Variants in ANGPTL7 observed in about 807,000 individuals in gnomAD.
ANGPTL7 encodes the protein angiopoietin-related protein 7.
ANGPTL7 carries 37 observed loss-of-function variants against 38.8 expected under a neutral mutation model. The ratio of observed to expected loss-of-function variants is 0.95; its 90% CI spans 0.73 to 1.25. The LOEUF is 1.25. Among genes scored for constraint, ANGPTL7 ranks in the 50% most tolerant of loss-of-function variants. ANGPTL7 has a pLI of 0.00. For missense variants in ANGPTL7, 427 were observed against 438.6 expected, an observed-to-expected ratio of 0.97 and a Z score of 0.24; for synonymous variants, 166 against 163.2, an observed-to-expected ratio of 1.02 and a Z score of -0.13.
At chr1:11,191,005 T>G (rs1645509140) in intron 1 of ANGPTL7, among the ~76,000 whole-genome samples, 1 of 152,236 alleles carries the variant, frequency 6.6e-6, no homozygotes, top group Non-Finnish European at 1.5e-5. Flanking sequence ...CAGTTTGGGA[T>G]TAGAAAGGTA....
rs1645447829 is a variant in ANGPTL7 at position 11,189,657 on chromosome 1, G to T, written c.78G>T (p.Leu26=). 6.2e-7 allele frequency: 1 copy of T among 1,614,164 alleles called. No individual in the cohort carries two copies. Among genetic ancestry groups the T allele is most frequent in the Non-Finnish European group, 8.5e-7 (1 of 1,180,038 alleles). ...IVAFVSHPAW[L]QKLSKHKTPA... is the part of the protein sequence containing the mutation. Reference sequence around the variant, plus strand: ...CCTTTGTCAGCCACCCAGCGTGGCTGCAGAAGCTCTCTAAGCACAAGACAC... The same window carrying T: ...CCTTTGTCAGCCACCCAGCGTGGCTTCAGAAGCTCTCTAAGCACAAGACAC... The change falls in exon 1 of 5, where the codon CTG becomes CTT. Residue 26 remains leucine (L), a synonymous_variant. Coordinates refer to ENST00000376819, the MANE Select transcript of ANGPTL7 (RefSeq NM_021146.4).
In ANGPTL7 at chr1:11,189,627, C is replaced by T. The variant is rs150198909; in HGVS notation, c.48C>T (p.Ile16=). 26 of 1,613,782 alleles carry T rather than the reference C, an allele frequency of 1.6e-5. No homozygotes were observed. The highest frequency in any genetic ancestry group is 1.8e-5 in the Non-Finnish European group (21 of 1,179,942). The change falls in exon 1 of 5, where the codon ATC becomes ATT. Residue 16 remains isoleucine (I), a synonymous_variant. Coordinates refer to ENST00000376819, the MANE Select transcript of ANGPTL7 (RefSeq NM_021146.4). ...CTGTGACCTGGCTCTGCATTTTCAT[C>T]GTGGCCTTTGTCAGCCACCCAGCGT... ...LSAVTWLCIF[I]VAFVSHPAWL...
intron 1 of ANGPTL7, among the ~76,000 whole-genome samples, chr1:11,191,524 C>T (rs1645530161): frequency 6.6e-6 from 1 of 152,050 alleles, no homozygotes; most frequent in Non-Finnish European, 1.5e-5. Flanking sequence ...ATAGTAAGGG[C>T]CGCAGTCTCT....
At chr1:11,190,299 T>C (rs904959020) in intron 1 of ANGPTL7, among the ~76,000 whole-genome samples, 6 of 152,306 alleles carry the variant, frequency 3.9e-5, no homozygotes, top group African/African-American at 9.6e-5. Flanking sequence ...ACAGGCTATA[T>C]CTCAAGAAAT....
rs1315287830 is a variant in ANGPTL7, at chr1:11,195,069, A to G, written c.*46A>G. On this transcript the variant is annotated 3_prime_UTR_variant, in exon 5 of 5. Transcript: ENST00000376819. ...CGGATACAGAAACTGAGACACGTGGAGACTGGATGAGGGCAGATGAGGACA... is the reference window on the plus strand; with the variant it reads ...CGGATACAGAAACTGAGACACGTGGGGACTGGATGAGGGCAGATGAGGACA... 1 of 1,590,840 alleles carries G rather than the reference A, an allele frequency of 6.3e-7. No individual in the cohort carries two copies. The highest frequency in any genetic ancestry group is 8.6e-7 in the Non-Finnish European group (1 of 1,164,268).
intron 1 of ANGPTL7, 52 bp downstream of exon 1, chr1:11,190,007 A>C (rs774190861): frequency 6.4e-7 from 1 of 1,552,190 alleles, no homozygotes; most frequent in Admixed American, 1.8e-5. Context: ...CATCTACAGC[A>C]CTGCTTCTAC....
At chr1:11,190,058 G>A (rs1337060900) in intron 1 of ANGPTL7, 103 bp downstream of exon 1, 19 of 1,380,928 alleles carry the variant, frequency 1.4e-5, no homozygotes, top group Non-Finnish European at 1.9e-5. Flanking sequence ...CCTCTTTTGT[G>A]GGTACACTTT....
rs1434686448 is a variant in ANGPTL7, at chr1:11,195,361, T to C, written c.*338T>C. ...AGAAAATAATTTTGAGATCGTTTTATCTATTTTCTCTACGGCTTAGGCTAT... is the reference window on the plus strand; with the variant it reads ...AGAAAATAATTTTGAGATCGTTTTACCTATTTTCTCTACGGCTTAGGCTAT... On this transcript the variant is annotated 3_prime_UTR_variant, in exon 5 of 5. Coordinates refer to ENST00000376819, the MANE Select transcript of ANGPTL7 (RefSeq NM_021146.4). The C allele has an allele frequency of 9.2e-6, 2 of 218,280 alleles. No individual in the cohort carries two copies. Among genetic ancestry groups the C allele is most frequent in the South Asian group, 1.0e-4 (1 of 9,670 alleles). The allele number at this position is 218,280 out of a possible 1,614,324, so 13.5% of individuals were successfully genotyped here.
At position 11,193,515 on chromosome 1, in the gene ANGPTL7, C is replaced by T. The variant is rs1436856876; in HGVS notation, c.478-65C>T. 2.1e-6 allele frequency: 3 copies of T among 1,459,468 alleles called. No individual in the cohort carries two copies. In the African/African-American group the frequency reaches 4.2e-5, roughly 21 times the overall value. 90.4% of individuals were successfully genotyped at this position (1,459,468 alleles called of 1,614,324 possible). On this transcript the variant is annotated intron_variant, in intron 2 of 4. Transcript: ENST00000376819. ...GCAGGGACAGGAACAGGTTGGGAAGCCTGCCCTCTTGCTCCTGCCTTCTGC... is the reference window on the plus strand; with the variant it reads ...GCAGGGACAGGAACAGGTTGGGAAGTCTGCCCTCTTGCTCCTGCCTTCTGC...
At chr1:11,193,470 T>C (rs1335459988) in intron 2 of ANGPTL7, 110 bp from the exon 3 acceptor site, 6 of 936,288 alleles carry the variant, frequency 6.4e-6, no homozygotes, top group South Asian at 1.7e-5. Context: ...ACTGCGGGAG[T>C]GCACACATCT....
rs1263356161 is a variant in ANGPTL7, at chr1:11,194,840, G to A, written c.872-14G>A. On this transcript the variant is annotated splice_polypyrimidine_tract_variant and intron_variant, in intron 4 of 4. Transcript: ENST00000376819. Reference sequence around the variant, plus strand: ...CAGTCAACTTACTAGCACTGGGTCTGTTTCTCATGCCAGGTGGCTACTGGT... The same window carrying A: ...CAGTCAACTTACTAGCACTGGGTCTATTTCTCATGCCAGGTGGCTACTGGT... The A allele has an allele frequency of 1.2e-6, 2 of 1,613,542 alleles. No homozygotes were observed. The highest frequency in any genetic ancestry group is 3.3e-5 in the Admixed American group (2 of 59,974).
chr1:11,194,803 T>C (rs2100726928), intron 4 of ANGPTL7, 51 bp from the exon 5 acceptor site: 1 of 1,606,730 alleles, frequency 6.2e-7, no homozygotes, highest in Non-Finnish European at 8.5e-7. Context: ...TTACCTGATG[T>C]CTGGTCTATC....
chr1:11,192,216 C>T (rs1645565745), intron 1 of ANGPTL7, 54 bp from the exon 2 acceptor site: 2 of 1,340,504 alleles, frequency 1.5e-6, no homozygotes, highest in African/African-American at 2.9e-5. Flanking sequence ...AAACACTCAA[C>T]TCAGATGGAG....
Position 11,189,972 on chromosome 1 carries a change from CCT to C in ANGPTL7, c.376+18_376+19del, listed in dbSNP as rs1645465529. 2 of 1,587,762 alleles carry C rather than the reference CCT, an allele frequency of 1.3e-6. No homozygotes were observed. Among genetic ancestry groups the C allele is most frequent in the South Asian group, 2.3e-5 (2 of 86,242 alleles). ...CCTCCGCAGGTAAGGAGACCAGTCC[CCT>C]GAGGGAGCGTGGAGTGCCTCCCCAT... On this transcript the variant is annotated intron_variant, in intron 1 of 4. Coordinates refer to ENST00000376819, the MANE Select transcript of ANGPTL7 (RefSeq NM_021146.4).
chr1:11,192,857 G>C (rs1250512527), intron 2 of ANGPTL7, among the ~76,000 whole-genome samples: 1 of 151,556 alleles, frequency 6.6e-6, no homozygotes, highest in Non-Finnish European at 1.5e-5. Context: ...CCAGGCATCT[G>C]TTTGGCCCCT....
intron 1 of ANGPTL7, among the ~76,000 whole-genome samples, chr1:11,191,954 CTGTAACATTTCTAGA>C (rs1645553466): frequency 6.6e-6 from 1 of 152,176 alleles, no homozygotes; most frequent in Non-Finnish European, 1.5e-5. Context: ...CCCTCATACA[CTGTAACATTTCTAGA>C]ATTCATGGCC....
In ANGPTL7 at chr1:11,194,572, G is replaced by A. The variant is rs745621835; in HGVS notation, c.784G>A (p.Ala262Thr). 4.3e-6 allele frequency: 7 copies of A among 1,613,978 alleles called. No homozygotes were observed. Among genetic ancestry groups the A allele is most frequent in the Middle Eastern group, 1.6e-4 (1 of 6,084 alleles). The change falls in exon 4 of 5, where the codon GCC (alanine) becomes ACC (threonine). Residue 262 changes from alanine to threonine, a missense_variant. Coordinates refer to ENST00000376819, the MANE Select transcript of ANGPTL7 (RefSeq NM_021146.4). ...CTACACTGGCAATGTGGGGAACGACGCCCTCCAGTATCATAACAACACAGC... is the reference window on the plus strand; with the variant it reads ...CTACACTGGCAATGTGGGGAACGACACCCTCCAGTATCATAACAACACAGC... Reference protein sequence around the residue: ...GNYTGNVGNDALQYHNNTAFS... With the variant: ...GNYTGNVGNDTLQYHNNTAFS...
intron 1 of ANGPTL7, among the ~76,000 whole-genome samples, chr1:11,190,872 C>T (rs970577738): frequency 6.6e-6 from 1 of 152,212 alleles, no homozygotes; most frequent in Non-Finnish European, 1.5e-5. Context: ...CTTCTACTGA[C>T]TAAGTCAATG....
Position 11,193,821 on chromosome 1 carries a change from CAT to C in ANGPTL7, c.672+48_672+49del, listed in dbSNP as rs780763917. 1.3e-4 allele frequency: 214 copies of C among 1,587,408 alleles called. 1 individual carries two copies. In the African/African-American group the frequency reaches 2.7e-3, roughly 20 times the overall value. ...CCATGACTGGACCAGTGCCACCACA[CAT>C]GACCGCGTACAACTCCGGGGGTGCC... On this transcript the variant is annotated intron_variant, in intron 3 of 4. Coordinates refer to ENST00000376819, the MANE Select transcript of ANGPTL7 (RefSeq NM_021146.4).
Sources: allele counts gnomAD v4.1 joint callset (sites outside exome capture counted in the v4.1 genomes callset), GRCh38; gene constraint gnomAD v4.1.1; transcripts MANE v1.5; gene names NCBI Gene and HGNC (gene_info 2026-07-23, HGNC 2026-07-21).